KCNU1: variants seen among roughly 807,000 people sequenced by gnomAD.
The protein encoded by KCNU1 is potassium channel subfamily U member 1.
KCNU1 carries 93 observed loss-of-function variants against 126.8 expected under a neutral mutation model. The observed-to-expected ratio is 0.73, with a 90% confidence interval of 0.62 to 0.87. KCNU1 has a LOEUF of 0.87. KCNU1 is among the 40% of genes least tolerant of loss of function. The pLI is 0.00. For synonymous variants in KCNU1, 523 were observed against 494.2 expected (o/e 1.06, Z -0.77); for missense variants, 1,330 against 1,367.1 (o/e 0.97, Z 0.43).
rs74736924 is a variant in KCNU1, at chr8:36,906,312, A to C, written c.2106+508A>C. ...ACATTAGCCACAAATATGCCTCCTAAACACTCCGTACAACCGGGGTGAATC... is the reference window on the plus strand; with the variant it reads ...ACATTAGCCACAAATATGCCTCCTACACACTCCGTACAACCGGGGTGAATC... On this transcript the variant is annotated intron_variant, in intron 20 of 26. Coordinates refer to ENST00000399881, the MANE Select transcript of KCNU1 (RefSeq NM_001031836.3). Among the ~76,000 whole-genome samples the C allele has an allele frequency of 1.4e-4, 21 of 152,080 alleles. No homozygotes were observed. The South Asian group carries it at 3.7e-3, about 27-fold the overall frequency.
chr8:36,905,908 G>A (rs905253110), intron 20 of KCNU1, 104 bp downstream of exon 20: 2 of 599,284 alleles, frequency 3.3e-6, no homozygotes, highest in African/African-American at 3.9e-5. Flanking sequence ...TTTGTAAACT[G>A]TGAATTTGTC....
At chr8:36,857,893 G>A (rs1252819716) in intron 18 of KCNU1, among the ~76,000 whole-genome samples, 4 of 152,034 alleles carry the variant, frequency 2.6e-5, no homozygotes, top group Non-Finnish European at 4.4e-5. Context: ...TGAGCTACCC[G>A]CCTCAGCCTC....
At chr8:36,905,303 A>T (rs1230225985) in intron 19 of KCNU1, among the ~76,000 whole-genome samples, 4 of 152,156 alleles carry the variant, frequency 2.6e-5, no homozygotes, top group Non-Finnish European at 5.9e-5. Context: ...GGCTAAGGAG[A>T]GAAATATCAC....
intron 19 of KCNU1, among the ~76,000 whole-genome samples, chr8:36,884,964 C>T (rs993644187): frequency 4.6e-5 from 7 of 152,140 alleles, no homozygotes; most frequent in Non-Finnish European, 8.8e-5. Context: ...CTTTTCTTGG[C>T]CCATCAGTGA....
intron 2 of KCNU1, among the ~76,000 whole-genome samples, chr8:36,802,041 G>A (rs781325225): frequency 6.6e-5 from 10 of 150,950 alleles, no homozygotes; most frequent in Non-Finnish European, 1.3e-4. Context: ...ACCGGAAGGC[G>A]GAGGTTGCAG....
chr8:36,885,810 A>T (rs781553782), intron 19 of KCNU1, among the ~76,000 whole-genome samples: 1 of 152,142 alleles, frequency 6.6e-6, no homozygotes, highest in Non-Finnish European at 1.5e-5. Flanking sequence ...AGAAAAAGGA[A>T]AAAAGAAATA....
Position 36,824,771 on chromosome 8 carries a change from A to G in KCNU1, c.1106+7011A>G, listed in dbSNP as rs113701232. On this transcript the variant is annotated intron_variant, in intron 10 of 26. Coordinates refer to ENST00000399881, the MANE Select transcript of KCNU1 (RefSeq NM_001031836.3). ...ATGGAATATAAATTTATTTACCTCA[A>G]TGTTATGTTTGTTATATTTATCCAT... Among the ~76,000 whole-genome samples, 344 of 152,068 alleles carry G rather than the reference A, an allele frequency of 2.3e-3. 11 individuals carry two copies. The highest frequency in any genetic ancestry group is 7.9e-3 in the African/African-American group (329 of 41,466).
At chr8:36,833,119 A>G (rs1334944102) in intron 10 of KCNU1, among the ~76,000 whole-genome samples, 1 of 152,138 alleles carries the variant, frequency 6.6e-6, no homozygotes, top group Admixed American at 6.6e-5. Flanking sequence ...TATAAAAATT[A>G]GTTCCTCTAA....
chr8:36,833,538 G>A lies in KCNU1; in HGVS notation c.1107-16G>A, dbSNP rs376830695. 18 of 1,502,430 alleles carry A rather than the reference G, an allele frequency of 1.2e-5. No homozygotes were observed. The highest frequency in any genetic ancestry group is 1.7e-5 in the Admixed American group (1 of 59,660). The allele number at this position is 1,502,430 out of a possible 1,614,324, so 93.1% of individuals were successfully genotyped here. On this transcript the variant is annotated splice_polypyrimidine_tract_variant and intron_variant, in intron 10 of 26. Coordinates refer to ENST00000399881, the MANE Select transcript of KCNU1 (RefSeq NM_001031836.3). ...ATCTTTTTTCCCTCATTGCTGCCACGTTCTTTTTTGTCCAGAACCCCTCCT... is the reference window on the plus strand; with the variant it reads ...ATCTTTTTTCCCTCATTGCTGCCACATTCTTTTTTGTCCAGAACCCCTCCT...
At chr8:36,830,227 T>A (rs985893251) in intron 10 of KCNU1, among the ~76,000 whole-genome samples, 7 of 151,424 alleles carry the variant, frequency 4.6e-5, no homozygotes, top group African/African-American at 1.7e-4. Flanking sequence ...AATAGTATAA[T>A]TATTGCTGAG....
At chr8:36,867,426 C>T (rs1288752734) in intron 19 of KCNU1, among the ~76,000 whole-genome samples, 2 of 152,124 alleles carry the variant, frequency 1.3e-5, no homozygotes, top group African/African-American at 4.8e-5. Context: ...TCAAATTTAT[C>T]AAGAACACAG....
chr8:36,905,249 G>C (rs1807577581), intron 19 of KCNU1, among the ~76,000 whole-genome samples: 1 of 151,956 alleles, frequency 6.6e-6, no homozygotes, highest in African/African-American at 2.4e-5. Flanking sequence ...TTTCAACAGG[G>C]ACCCATTCAG....
chr8:36,808,870 C>T (rs959261542), intron 7 of KCNU1, 77 bp downstream of exon 7: 8 of 988,568 alleles, frequency 8.1e-6, no homozygotes, highest in Non-Finnish European at 1.3e-5. Context: ...AGGGAACCTG[C>T]TGAGCCCCTG....
At chr8:36,800,507 T>G (rs1803264489) in intron 2 of KCNU1, among the ~76,000 whole-genome samples, 1 of 152,226 alleles carries the variant, frequency 6.6e-6, no homozygotes, top group African/African-American at 2.4e-5. Flanking sequence ...GAAAAAGAGC[T>G]GTTGTCACTA....
rs1486372658 is a variant in KCNU1, at chr8:36,845,648, A to G, written c.1772A>G (p.Glu591Gly). 6.2e-7 allele frequency: 1 copy of G among 1,608,874 alleles called. No individual in the cohort carries two copies. Among genetic ancestry groups the G allele is most frequent in the South Asian group, 1.1e-5 (1 of 90,982 alleles). The change falls in exon 17 of 27, where the codon GAA (glutamate) becomes GGA (glycine). Residue 591 changes from glutamate to glycine, a missense_variant. By Grantham distance (98) the Glu-to-Gly change is moderately conservative. Transcript: ENST00000399881. The stretch of plus-strand genomic sequence containing the variant: ...AACACATTAGGGTTCTTTATTGCTG[A>G]AACTCCAAAGGACGTCAGAAGGTAA... ...RKNTLGFFIAETPKDVRRALF... is the reference protein window; with the variant it reads ...RKNTLGFFIAGTPKDVRRALF...
chr8:36,883,831 T>C (rs1184428778), intron 19 of KCNU1, among the ~76,000 whole-genome samples: 3 of 152,182 alleles, frequency 2.0e-5, no homozygotes, highest in Non-Finnish European at 4.4e-5. Context: ...CAAATATCTG[T>C]GTCCAATCAG....
At chr8:36,861,703 C>T (rs772582022) in intron 18 of KCNU1, among the ~76,000 whole-genome samples, 36 of 152,054 alleles carry the variant, frequency 2.4e-4, no homozygotes, top group Admixed American at 3.3e-4. Context: ...GGAGAAGATT[C>T]GGGATAATCT....
In KCNU1 at chr8:36,871,936, A is replaced by G. The variant is rs575672134; in HGVS notation, c.2009+7415A>G. Among the ~76,000 whole-genome samples the G allele has an allele frequency of 5.9e-5, 9 of 152,328 alleles. No homozygotes were observed. The East Asian group carries it at 1.7e-3, about 29-fold the overall frequency. ...GGGTCATATATAAAAGACCAACTCT[A>G]TAAGACAAAGTGAAGGTTATGCGAA... On this transcript the variant is annotated intron_variant, in intron 19 of 26. Transcript: ENST00000399881.
At chr8:36,856,495 T>A (rs1249593231) in intron 18 of KCNU1, among the ~76,000 whole-genome samples, 1 of 152,220 alleles carries the variant, frequency 6.6e-6, no homozygotes, top group African/African-American at 2.4e-5. Context: ...AAAATAAATT[T>A]CCCCTAAGTT....
Sources: allele counts gnomAD v4.1 joint callset (sites outside exome capture counted in the v4.1 genomes callset), GRCh38; gene constraint gnomAD v4.1.1; transcripts MANE v1.5; gene names NCBI Gene and HGNC (gene_info 2026-07-23, HGNC 2026-07-21).